Variants in STK3 observed in about 807,000 individuals in gnomAD.
The protein encoded by STK3 is serine/threonine kinase 3.
STK3 carries 41 observed loss-of-function variants against 58.0 expected under a neutral mutation model. That is an observed-to-expected ratio of 0.71 (90% CI 0.55 to 0.92). The LOEUF (loss-of-function observed/expected upper bound fraction) is 0.92. Ranked by LOEUF, STK3 falls within the 40% of genes least tolerant of loss-of-function variation. STK3 has a pLI of 0.00. For missense variants in STK3, 479 were observed against 602.7 expected (o/e 0.79, Z 2.15); for synonymous variants, 170 against 191.0 (o/e 0.89, Z 0.91).
Position 98,699,150 on chromosome 8 carries a change from G to A in STK3, c.684+7317C>T, listed in dbSNP as rs868495702. ...CTGATACCCTTTCTTCCAGTTGATC[G>A]CATCGGCTCCTGAGGCTTCTGCATT... On this transcript the variant is annotated intron_variant, in intron 6 of 10. Transcript: ENST00000419617. 9.6e-3 allele frequency among the ~76,000 whole-genome samples: 1,467 copies of A among 152,084 alleles called. 16 individuals carry two copies. The highest frequency in any genetic ancestry group is 0.031 in the African/African-American group (1,290 of 41,460).
chr8:98,402,705 C>T (rs142530764), intron 3 of STK3, among the ~76,000 whole-genome samples: 25 of 152,302 alleles, frequency 1.6e-4, no homozygotes, highest in East Asian at 5.8e-4. Flanking sequence ...GCCAGCCAGG[C>T]GAGGAGGACA....
intron 1 of STK3, among the ~76,000 whole-genome samples, chr8:98,386,808 C>T (rs1051835264): frequency 7.2e-5 from 11 of 152,054 alleles, no homozygotes; most frequent in Admixed American, 5.9e-4. Flanking sequence ...GGTGAAACCC[C>T]GTCTCTACTA....
chr8:98,941,202 C>T (rs568231785), intron 1 of STK3, among the ~76,000 whole-genome samples: 38 of 152,374 alleles, frequency 2.5e-4, no homozygotes, highest in South Asian at 2.1e-3. Flanking sequence ...GCTGAGAGCA[C>T]GGGCGCTGAC....
intron 1 of STK3, among the ~76,000 whole-genome samples, chr8:98,805,392 T>C (rs550399729): frequency 6.6e-6 from 1 of 152,156 alleles, no homozygotes; most frequent in Admixed American, 6.5e-5. Flanking sequence ...CTGGCCAAAA[T>C]GGTGAAACCC....
chr8:98,830,571 C>A (rs1165054400), upstream of STK3, among the ~76,000 whole-genome samples: 1 of 152,180 alleles, frequency 6.6e-6, no homozygotes, highest in Admixed American at 6.5e-5. Flanking sequence ...GCATAGAAGT[C>A]ACCATTCAAA....
At chr8:98,938,034 T>C (rs188686728) in intron 1 of STK3, among the ~76,000 whole-genome samples, 1 of 152,328 alleles carries the variant, frequency 6.6e-6, no homozygotes, top group Non-Finnish European at 1.5e-5. Context: ...CAACCCTTTG[T>C]CAAAGTGGAG....
chr8:98,904,023 T>C (rs1461868053), intron 1 of STK3, among the ~76,000 whole-genome samples: 7 of 152,228 alleles, frequency 4.6e-5, no homozygotes, highest in Admixed American at 4.6e-4. Flanking sequence ...TAGAAATGTT[T>C]ATTTGTCAAA....
chr8:98,903,556 C>CTTCTTCTTCTA (rs200556218), intron 1 of STK3, among the ~76,000 whole-genome samples: 1 of 50,502 alleles, frequency 2.0e-5, no homozygotes, highest in African/African-American at 6.8e-5. Context: ...TCTTCTTCTT[C>CTTCTTCTTCTA]CTTTTTTTTT....
At chr8:98,402,207 AG>A (rs1163259718) in intron 3 of STK3, among the ~76,000 whole-genome samples, 1 of 152,186 alleles carries the variant, frequency 6.6e-6, no homozygotes, top group East Asian at 1.9e-4. Context: ...AAGGGATCTT[AG>A]GGAGAGTCAG....
intron 4 of STK3, among the ~76,000 whole-genome samples, chr8:98,738,723 T>C (rs909128453): frequency 1.3e-5 from 2 of 152,060 alleles, no homozygotes; most frequent in Non-Finnish European, 2.9e-5. Flanking sequence ...CACTAGAGAG[T>C]GCCAGACAGT....
intron 1 of STK3, among the ~76,000 whole-genome samples, chr8:98,790,047 A>AT (rs58416322): frequency 3.3e-5 from 5 of 150,310 alleles, no homozygotes; most frequent in Non-Finnish European, 7.4e-5. Context: ...AAAAAAAAAA[A>AT]GTCCAGGACT....
intron 4 of STK3, among the ~76,000 whole-genome samples, chr8:98,718,124 T>G (rs903934501): frequency 1.3e-5 from 2 of 152,142 alleles, no homozygotes; most frequent in African/African-American, 4.8e-5. Context: ...GTTAGGGGGA[T>G]GGATAATGGG....
chr8:98,465,057 C>A (rs1454323594), intron 10 of STK3, among the ~76,000 whole-genome samples: 1 of 152,142 alleles, frequency 6.6e-6, no homozygotes, highest in Non-Finnish European at 1.5e-5. Flanking sequence ...TACGGTTTCT[C>A]ATGAATATCA....
chr8:98,374,096 T>C (rs1204367929), intron 2 of STK3, among the ~76,000 whole-genome samples: 2 of 152,060 alleles, frequency 1.3e-5, no homozygotes, highest in East Asian at 3.9e-4. Flanking sequence ...TGATCAAGAG[T>C]TTATGTGAAG....
the STK3 span, among the ~76,000 whole-genome samples, chr8:98,365,241 T>C: frequency 2.0e-5 from 3 of 152,256 alleles, no homozygotes; most frequent in African/African-American, 7.2e-5. Flanking sequence ...GTGGATGCTT[T>C]GCTTTTAATA....
chr8:98,898,058 T>C (rs1838521912), intron 1 of STK3, among the ~76,000 whole-genome samples: 1 of 152,238 alleles, frequency 6.6e-6, no homozygotes, highest in African/African-American at 2.4e-5. Flanking sequence ...ATATTATTTC[T>C]GAGGGTCAAT....
chr8:98,628,481 T>C (rs1056292708), intron 6 of STK3, among the ~76,000 whole-genome samples: 12 of 151,978 alleles, frequency 7.9e-5, no homozygotes, highest in Admixed American at 2.6e-4. Context: ...AAAGCAGGTG[T>C]TTCATAAACA....
At chr8:98,620,516 A>G (rs992607563) in intron 6 of STK3, among the ~76,000 whole-genome samples, 21 of 143,890 alleles carry the variant, frequency 1.5e-4, no homozygotes, top group Non-Finnish European at 2.9e-4. Flanking sequence ...GTCAACATCA[A>G]AAAAAAAAAG....
At chr8:98,538,399 C>A (rs1199999528) in intron 9 of STK3, among the ~76,000 whole-genome samples, 1 of 152,122 alleles carries the variant, frequency 6.6e-6, no homozygotes, top group African/African-American at 2.4e-5. Context: ...GATTAAAAAG[C>A]TTAGAAAATA....
Sources: allele counts gnomAD v4.1 joint callset (sites outside exome capture counted in the v4.1 genomes callset), GRCh38; gene constraint gnomAD v4.1.1; transcripts MANE v1.5; gene names NCBI Gene and HGNC (gene_info 2026-07-23, HGNC 2026-07-21).